PLA2R1: variants seen among roughly 807,000 people sequenced by gnomAD.
PLA2R1 encodes secretory phospholipase A2 receptor.
PLA2R1 carries 158 observed loss-of-function variants against 195.9 expected under a neutral mutation model. That is an observed-to-expected ratio of 0.81 (90% CI 0.71 to 0.92). The LOEUF is 0.92. Among genes scored for constraint, PLA2R1 ranks in the 40% least tolerant of loss-of-function variants. PLA2R1 has a pLI of 0.00. For missense variants in PLA2R1, 1,626 were observed against 1,764.6 expected, an observed-to-expected ratio of 0.92 and a Z score of 1.41; for synonymous variants, 586 against 598.2, an observed-to-expected ratio of 0.98 and a Z score of 0.30.
chr2:160,005,442 A>G (rs1166591126), intron 11 of PLA2R1, among the ~76,000 whole-genome samples: 1 of 135,840 alleles, frequency 7.4e-6, no homozygotes, highest in Non-Finnish European at 1.5e-5. Flanking sequence ...CTCAAAACAA[A>G]CAAACAAACA....
chr2:159,970,731 A>C (rs1689103812), intron 17 of PLA2R1, among the ~76,000 whole-genome samples: 1 of 152,164 alleles, frequency 6.6e-6, no homozygotes, highest in Non-Finnish European at 1.5e-5. Flanking sequence ...TATAGGACAA[A>C]AGAATACTAC....
intron 1 of PLA2R1, among the ~76,000 whole-genome samples, chr2:160,056,597 T>A (rs2105703562): frequency 6.6e-6 from 1 of 152,324 alleles, no homozygotes; most frequent in Admixed American, 6.5e-5. Context: ...TGTTTTTAAA[T>A]ATATATTTTC....
chr2:159,949,543 G>T, intron 25 of PLA2R1, 65 bp downstream of exon 25: 3 of 1,207,652 alleles, frequency 2.5e-6, no homozygotes, highest in African/African-American at 1.5e-5. Flanking sequence ...CCTTTGCTTA[G>T]CACAGTGTCT....
chr2:160,062,034 C>A lies in PLA2R1; in HGVS notation c.109+261G>T, dbSNP rs369706945. Among the ~76,000 whole-genome samples, 1,089 of 152,052 alleles carry A rather than the reference C, an allele frequency of 7.2e-3. 16 individuals carry two copies. Among genetic ancestry groups the A allele is most frequent in the African/African-American group, 0.025 (1,047 of 41,480 alleles). ...GAGAGGAGTTACCTGCGAGACCAAG[C>A]CCCCCCGCCCCCGCCGCCCGACCCC... On this transcript the variant is annotated intron_variant, in intron 1 of 29. Transcript: ENST00000283243.
chr2:159,955,181 A>G lies in PLA2R1; in HGVS notation c.3301+18T>C. ...GGACTTTGGAAATGAAAGGAATAAAAACCCAAATATTTCTTACCTTGCATT... is the reference window on the plus strand; with the variant it reads ...GGACTTTGGAAATGAAAGGAATAAAGACCCAAATATTTCTTACCTTGCATT... On this transcript the variant is annotated intron_variant, in intron 23 of 29. Coordinates refer to ENST00000283243, the MANE Select transcript of PLA2R1 (RefSeq NM_007366.5). 1 of 1,592,810 alleles carries G rather than the reference A, an allele frequency of 6.3e-7. No individual in the cohort carries two copies.
intron 2 of PLA2R1, 137 bp from the exon 3 acceptor site, chr2:160,042,335 G>A: frequency 1.6e-6 from 1 of 632,586 alleles, no homozygotes. Context: ...TGAGCCCTCA[G>A]GTCCTCACTG....
intron 12 of PLA2R1, among the ~76,000 whole-genome samples, chr2:159,986,224 C>T (rs1458218643): frequency 6.6e-6 from 1 of 152,060 alleles, no homozygotes; most frequent in Admixed American, 6.5e-5. Context: ...TGACAAGATG[C>T]TCAAAGGAAA....
chr2:159,929,443 T>C (rs1316700729), downstream of PLA2R1, among the ~76,000 whole-genome samples: 1 of 152,136 alleles, frequency 6.6e-6, no homozygotes, highest in Non-Finnish European at 1.5e-5. Flanking sequence ...ATTGAAACCA[T>C]AATGTGATAC....
intron 11 of PLA2R1, among the ~76,000 whole-genome samples, chr2:159,991,402 C>G (rs1690778153): frequency 6.7e-6 from 1 of 149,928 alleles, no homozygotes; most frequent in Non-Finnish European, 1.5e-5. Flanking sequence ...CTAGTGTCTA[C>G]TGATGGGACA....
At chr2:159,924,071 T>C in the PLA2R1 span, among the ~76,000 whole-genome samples, 17 of 152,218 alleles carry the variant, frequency 1.1e-4, no homozygotes, top group Admixed American at 3.3e-4. Context: ...CGTTTCTTCC[T>C]TTCCAGCTTC....
chr2:160,054,458 T>C (rs1298270722), intron 1 of PLA2R1, among the ~76,000 whole-genome samples: 1 of 152,196 alleles, frequency 6.6e-6, no homozygotes, highest in African/African-American at 2.4e-5. Flanking sequence ...AGTTAAATAA[T>C]TACTTTGAGT....
At position 159,955,612 on chromosome 2, in the gene PLA2R1, T is replaced by C. The variant is rs114256647; in HGVS notation, c.3153+86A>G. 1,463 of 580,182 alleles carry C rather than the reference T, an allele frequency of 2.5e-3. 23 individuals are homozygous for C. Among genetic ancestry groups the C allele is most frequent in the African/African-American group, 0.024 (1,254 of 51,334 alleles). 35.9% of individuals were successfully genotyped at this position (580,182 alleles called of 1,614,324 possible). A position where few individuals can be genotyped will look rare whatever the true frequency, so the allele number is the denominator to read the frequency against. ...AATATAAATTTATACCTACAAAATA[T>C]AGGAAATAAAAAAAGCTTTAGTAAA... is the stretch of plus-strand genomic sequence containing the variant. On this transcript the variant is annotated intron_variant, in intron 22 of 29. Transcript: ENST00000283243.
In PLA2R1 at chr2:160,061,135, CCTTCTCTCCAAA is replaced by C. The variant is rs1292856976; in HGVS notation, c.109+1148_109+1159del. 5.3e-5 allele frequency among the ~76,000 whole-genome samples: 8 copies of C among 152,266 alleles called. No individual in the cohort carries two copies. In the South Asian group the frequency reaches 1.7e-3, roughly 32 times the overall value. ...GATATTGATCACATCTTGTGTTACC[CCTTCTCTCCAAA>C]CTTATCTCCAAAGGCAGAGAGGATG... On this transcript the variant is annotated intron_variant, in intron 1 of 29. Coordinates refer to ENST00000283243, the MANE Select transcript of PLA2R1 (RefSeq NM_007366.5).
chr2:159,929,852 T>TTG (rs749572220), downstream of PLA2R1, among the ~76,000 whole-genome samples: 52 of 147,722 alleles, frequency 3.5e-4, no homozygotes, highest in African/African-American at 9.1e-4. Flanking sequence ...TATTATATAT[T>TTG]TGTGTGTGTG....
chr2:160,051,766 C>A (rs1695226623), intron 1 of PLA2R1, among the ~76,000 whole-genome samples: 1 of 152,266 alleles, frequency 6.6e-6, no homozygotes, highest in African/African-American at 2.4e-5. Flanking sequence ...ATGCTTGCAG[C>A]AAGCAGCATG....
intron 7 of PLA2R1, among the ~76,000 whole-genome samples, chr2:160,020,835 A>C (rs1175143184): frequency 6.6e-6 from 1 of 152,216 alleles, no homozygotes; most frequent in Non-Finnish European, 1.5e-5. Context: ...TAATCAATAG[A>C]AAATGGACTA....
chr2:160,016,340 C>T (rs1477856373), intron 9 of PLA2R1, among the ~76,000 whole-genome samples: 3 of 151,070 alleles, frequency 2.0e-5, no homozygotes, highest in African/African-American at 4.9e-5. Context: ...CATCACACAT[C>T]ACAGGATAGT....
At chr2:159,993,108 A>G (rs944276600) in intron 11 of PLA2R1, among the ~76,000 whole-genome samples, 2 of 152,130 alleles carry the variant, frequency 1.3e-5, no homozygotes, top group Admixed American at 1.3e-4. Context: ...ACTTATATTG[A>G]ATCTTTAATC....
downstream of PLA2R1, among the ~76,000 whole-genome samples, chr2:159,927,993 A>G (rs1007186208): frequency 2.0e-4 from 31 of 152,226 alleles, no homozygotes; most frequent in Admixed American, 1.8e-3. Context: ...ATGTAATAAG[A>G]GAGATGAGAG....
Sources: allele counts gnomAD v4.1 joint callset (sites outside exome capture counted in the v4.1 genomes callset), GRCh38; gene constraint gnomAD v4.1.1; transcripts MANE v1.5; gene names NCBI Gene and HGNC (gene_info 2026-07-23, HGNC 2026-07-21).